Variants in AFAP1L2 observed in about 807,000 individuals in gnomAD.
AFAP1L2 encodes actin filament-associated protein 1-like 2.
In AFAP1L2, 46 loss-of-function variants were observed where a neutral mutation model predicts 99.3. The observed-to-expected ratio is 0.46, with a 90% confidence interval of 0.37 to 0.59. The LOEUF (loss-of-function observed/expected upper bound fraction) is 0.59. AFAP1L2 is among the 20% of genes least tolerant of loss of function. The pLI is 0.00. For synonymous variants in AFAP1L2, 397 were observed against 419.1 expected, an observed-to-expected ratio of 0.95 and a Z score of 0.64; for missense variants, 959 against 1,034.9, an observed-to-expected ratio of 0.93 and a Z score of 1.01.
chr10:114,291,988 G>A (rs2039644760), downstream of AFAP1L2, among the ~76,000 whole-genome samples: 1 of 152,216 alleles, frequency 6.6e-6, no homozygotes. Flanking sequence ...CCTTTCAAAA[G>A]AGGCTGCGGC....
chr10:114,287,157 G>T, the AFAP1L2 span, among the ~76,000 whole-genome samples: 1 of 152,168 alleles, frequency 6.6e-6, no homozygotes, highest in Non-Finnish European at 1.5e-5. Context: ...CCTGGCCCAT[G>T]GCCAGAGATG....
chr10:114,311,003 T>C (rs1031256501), intron 7 of AFAP1L2, among the ~76,000 whole-genome samples: 17 of 129,318 alleles, frequency 1.3e-4, no homozygotes, highest in African/African-American at 2.0e-4. Context: ...ACTGGCTTCA[T>C]TGACCAGTGG....
At chr10:114,327,943 C>CA (rs1243914277) in intron 4 of AFAP1L2, among the ~76,000 whole-genome samples, 1 of 152,242 alleles carries the variant, frequency 6.6e-6, no homozygotes, top group Non-Finnish European at 1.5e-5. Flanking sequence ...CTAGCCACGG[C>CA]AATGTCCTTT....
intron 2 of AFAP1L2, among the ~76,000 whole-genome samples, chr10:114,338,650 C>A (rs1183158173): frequency 6.6e-6 from 1 of 152,160 alleles, no homozygotes; most frequent in Non-Finnish European, 1.5e-5. Flanking sequence ...GGATGAATCT[C>A]CAGAGAAGCC....
intron 5 of AFAP1L2, among the ~76,000 whole-genome samples, chr10:114,319,069 C>A (rs587333): frequency 1 from 152,301 of 152,308 alleles, 76,147 homozygotes; most frequent in Middle Eastern, 1. Flanking sequence ...CAGGAGAATC[C>A]CTTGAACCTG....
intron 1 of AFAP1L2, among the ~76,000 whole-genome samples, chr10:114,386,676 C>T (rs1182233035): frequency 6.6e-6 from 1 of 152,152 alleles, no homozygotes; most frequent in Non-Finnish European, 1.5e-5. Flanking sequence ...TGCCAGGAGG[C>T]CCAGGGGTTC....
chr10:114,385,813 G>A (rs192479822), intron 1 of AFAP1L2, among the ~76,000 whole-genome samples: 15 of 152,302 alleles, frequency 9.8e-5, no homozygotes, highest in East Asian at 5.8e-4. Context: ...TGCCAAGAAC[G>A]TCAGTGAAAG....
At chr10:114,297,480 T>C in intron 16 of AFAP1L2, 67 bp from the exon 17 acceptor site, 1 of 1,523,504 alleles carries the variant, frequency 6.6e-7, no homozygotes. Context: ...CCCTGCTGGG[T>C]GGAGGCAGGG....
intron 1 of AFAP1L2, among the ~76,000 whole-genome samples, chr10:114,390,920 T>C (rs1464720071): frequency 6.6e-6 from 1 of 152,184 alleles, no homozygotes; most frequent in Non-Finnish European, 1.5e-5. Context: ...CAGGCATTTC[T>C]TCAGATACTT....
intron 1 of AFAP1L2, among the ~76,000 whole-genome samples, chr10:114,404,056 A>T (rs1191392683): frequency 6.6e-6 from 1 of 152,178 alleles, no homozygotes; most frequent in Non-Finnish European, 1.5e-5. Flanking sequence ...CTTTGCCCCC[A>T]GCAGCTCAGC....
chr10:114,362,461 G>C (rs2052574557), intron 1 of AFAP1L2, among the ~76,000 whole-genome samples: 1 of 152,200 alleles, frequency 6.6e-6, no homozygotes, highest in African/African-American at 2.4e-5. Context: ...ATAAGGTCTT[G>C]TGAAGACAAA....
chr10:114,323,216 C>G lies in AFAP1L2; in HGVS notation c.361G>C (p.Glu121Gln). The G allele has an allele frequency of 6.2e-7, 1 of 1,603,464 alleles. No homozygotes were observed. Among genetic ancestry groups the G allele is most frequent in the Non-Finnish European group, 8.5e-7 (1 of 1,174,292 alleles). Residue 121 changes from glutamate (E) to glutamine (Q), a missense_variant, in exon 5 of 19, where the codon GAG becomes CAG. Glu to Gln is a conservative substitution (Grantham distance 29, BLOSUM62 2). Coordinates refer to ENST00000304129, the MANE Select transcript of AFAP1L2 (RefSeq NM_001001936.3). ...QLAIPKTESP[E>Q]GYYEEAEPYD... ...GGCTCAGCCTCTTCATAGTAGCCCT[C>G]TGGAGACTCCGTCTTTGGGATGGCA...
the AFAP1L2 span, chr10:114,289,767 A>G: frequency 8.1e-6 from 4 of 492,822 alleles, no homozygotes; most frequent in South Asian, 6.6e-5. Flanking sequence ...ACACTTTTAG[A>G]ATATCCACAA....
At chr10:114,367,344 C>G (rs1444577172) in intron 1 of AFAP1L2, among the ~76,000 whole-genome samples, 1 of 152,196 alleles carries the variant, frequency 6.6e-6, no homozygotes, top group African/African-American at 2.4e-5. Context: ...TCTCTGAGAA[C>G]TTGTTACAGA....
At chr10:114,336,506 C>T (rs547403074) in intron 2 of AFAP1L2, among the ~76,000 whole-genome samples, 8 of 152,204 alleles carry the variant, frequency 5.3e-5, no homozygotes, top group Non-Finnish European at 1.0e-4. Context: ...TGGGAAATGA[C>T]TACGGCCTGA....
chr10:114,282,721 G>A, the AFAP1L2 span: 9 of 673,132 alleles, frequency 1.3e-5, no homozygotes, highest in Non-Finnish European at 2.4e-5. Flanking sequence ...AGAGGAGAGT[G>A]TGCTCTTGAC....
chr10:114,323,060 T>A, intron 5 of AFAP1L2, 111 bp downstream of exon 5: 1 of 980,470 alleles, frequency 1.0e-6, no homozygotes, highest in Admixed American at 2.5e-5. Flanking sequence ...CAGACTACCC[T>A]CTGTCACCCA....
chr10:114,289,413 G>T, the AFAP1L2 span: 1 of 1,612,336 alleles, frequency 6.2e-7, no homozygotes, highest in South Asian at 1.1e-5. Flanking sequence ...CAGGTCCCCG[G>T]GATTCCCTGA....
intron 7 of AFAP1L2, among the ~76,000 whole-genome samples, chr10:114,310,923 C>A (rs560627175): frequency 4.6e-5 from 7 of 152,120 alleles, no homozygotes; most frequent in African/African-American, 1.4e-4. Context: ...TTGTTCCAAC[C>A]ACCCTCTGGC....
Sources: gnomAD v4.1 joint callset for allele counts (sites outside exome capture counted in the v4.1 genomes callset) on GRCh38, gnomAD v4.1.1 for gene constraint, MANE v1.5 for transcripts, NCBI Gene and HGNC (gene_info 2026-07-23, HGNC 2026-07-21) for gene names.